Variants in ADGRB3 observed in about 807,000 individuals in gnomAD.
ADGRB3 encodes the protein adhesion G protein-coupled receptor B3, also known as brain-specific angiogenesis inhibitor 3.
In ADGRB3, 37 loss-of-function variants were observed where a neutral mutation model predicts 193.4. The observed-to-expected ratio is 0.19, with a 90% CI of 0.15 to 0.25. The LOEUF (loss-of-function observed/expected upper bound fraction) is 0.25. Among genes scored for constraint, ADGRB3 ranks in the 10% least tolerant of loss-of-function variants. The pLI, the probability that ADGRB3 is intolerant of heterozygous loss-of-function variation, is 1.00. For missense variants in ADGRB3, 1,637 were observed against 1,852.9 expected (o/e 0.88, Z 2.14); for synonymous variants, 690 against 644.2 (o/e 1.07, Z -1.08).
intron 15 of ADGRB3, among the ~76,000 whole-genome samples, chr6:69,054,153 G>A (rs1771479201): frequency 6.6e-6 from 1 of 152,076 alleles, no homozygotes; most frequent in South Asian, 2.1e-4. Flanking sequence ...ACAGATGAAT[G>A]AAAACTAAAG....
chr6:69,178,701 CT>C (rs1244568469), intron 17 of ADGRB3, among the ~76,000 whole-genome samples: 1 of 152,154 alleles, frequency 6.6e-6, no homozygotes, highest in Non-Finnish European at 1.5e-5. Context: ...TTCTCCCTTA[CT>C]TATGAAGCTT....
At chr6:68,740,487 C>A (rs1297303264) in intron 3 of ADGRB3, among the ~76,000 whole-genome samples, 1 of 152,038 alleles carries the variant, frequency 6.6e-6, no homozygotes, top group East Asian at 1.9e-4. Flanking sequence ...AAGAAAAAAA[C>A]ATCAATTTGT....
chr6:69,303,050 C>T (rs898352542), intron 20 of ADGRB3, among the ~76,000 whole-genome samples: 8 of 151,828 alleles, frequency 5.3e-5, no homozygotes, highest in East Asian at 1.9e-4. Flanking sequence ...AGGAAGAGGA[C>T]GTAGAAGCAG....
At chr6:69,280,069 G>T (rs12110416) in intron 20 of ADGRB3, among the ~76,000 whole-genome samples, 1 of 152,166 alleles carries the variant, frequency 6.6e-6, no homozygotes, top group Non-Finnish European at 1.5e-5. Context: ...TCAAAAGAGA[G>T]CTGACAGCCA....
chr6:69,042,611 A>G (rs747047809), intron 13 of ADGRB3, among the ~76,000 whole-genome samples: 1 of 152,210 alleles, frequency 6.6e-6, no homozygotes, highest in Non-Finnish European at 1.5e-5. Flanking sequence ...AACAAAACAA[A>G]TAGATGCTTT....
chr6:69,219,475 A>G (rs1561956732), intron 17 of ADGRB3, among the ~76,000 whole-genome samples: 1 of 78,086 alleles, frequency 1.3e-5, no homozygotes, highest in Non-Finnish European at 2.4e-5. Context: ...ATATATATAT[A>G]TATATATATA....
At chr6:68,811,211 T>C (rs1017244112) in intron 3 of ADGRB3, among the ~76,000 whole-genome samples, 1 of 152,156 alleles carries the variant, frequency 6.6e-6, no homozygotes, top group South Asian at 2.1e-4. Flanking sequence ...TTTCTACTTC[T>C]ATTTTTTAAG....
At chr6:69,383,399 C>T (rs1022974946) in intron 31 of ADGRB3, among the ~76,000 whole-genome samples, 7 of 151,948 alleles carry the variant, frequency 4.6e-5, no homozygotes, top group African/African-American at 1.7e-4. Context: ...TTCGTACACA[C>T]ATCAACACTG....
intron 17 of ADGRB3, among the ~76,000 whole-genome samples, chr6:69,168,621 T>C (rs1007808505): frequency 2.0e-5 from 3 of 152,132 alleles, no homozygotes; most frequent in African/African-American, 7.2e-5. Context: ...TTATGGCTTA[T>C]AGTGGGTATG....
At chr6:69,351,936 AAT>A (rs1390017903) in intron 26 of ADGRB3, among the ~76,000 whole-genome samples, 3 of 152,196 alleles carry the variant, frequency 2.0e-5, no homozygotes, top group African/African-American at 7.2e-5. Flanking sequence ...CTGACCTAGA[AAT>A]ATGTCTGATA....
intron 3 of ADGRB3, among the ~76,000 whole-genome samples, chr6:68,810,471 G>A (rs73745880): frequency 0.026 from 4,006 of 152,258 alleles, 80 homozygotes; most frequent in African/African-American, 0.051. Context: ...GCGAACAGAT[G>A]AAATAGTAGA....
chr6:69,306,835 G>A (rs1438041770), intron 20 of ADGRB3, among the ~76,000 whole-genome samples: 2 of 151,434 alleles, frequency 1.3e-5, no homozygotes, highest in Non-Finnish European at 2.9e-5. Context: ...GGAGAGGACA[G>A]GGCCCATTGG....
rs557924141 is a variant in ADGRB3, at chr6:68,699,669, T to C, written c.757+60237T>C. On this transcript the variant is annotated intron_variant, in intron 3 of 31. Transcript: ENST00000370598. ...GCAAAAATCACAAACAGAATACAAA[T>C]ACCCAGAGCTCTTAGAGTGACATAA... 2.2e-4 allele frequency among the ~76,000 whole-genome samples: 33 copies of C among 151,418 alleles called. 1 individual carries two copies. The East Asian group carries it at 6.5e-3, about 30-fold the overall frequency.
chr6:69,110,176 G>T lies in ADGRB3; in HGVS notation c.2480+34138G>T, dbSNP rs537534163. Among the ~76,000 whole-genome samples the T allele has an allele frequency of 3.3e-5, 5 of 152,110 alleles. No homozygotes were observed. The South Asian group carries it at 6.2e-4, about 19-fold the overall frequency. On this transcript the variant is annotated intron_variant, in intron 17 of 31. Transcript: ENST00000370598. Reference sequence around the variant, plus strand: ...TTGGCCAGGCTGGTCTTGAACTCCTGACCTTGTAATCCACCCACCTCAGTG... The same window carrying T: ...TTGGCCAGGCTGGTCTTGAACTCCTTACCTTGTAATCCACCCACCTCAGTG...
intron 3 of ADGRB3, among the ~76,000 whole-genome samples, chr6:68,651,381 T>A (rs1436019778): frequency 2.0e-5 from 3 of 152,190 alleles, no homozygotes; most frequent in Non-Finnish European, 4.4e-5. Flanking sequence ...ATATTAAAAA[T>A]CTACTCTTTT....
chr6:68,891,260 C>T (rs545892361), intron 3 of ADGRB3, among the ~76,000 whole-genome samples: 7 of 152,146 alleles, frequency 4.6e-5, no homozygotes, highest in South Asian at 2.1e-4. Flanking sequence ...TCCCGCAACA[C>T]GTGGGAATTA....
chr6:69,366,274 A>G (rs1171104434), intron 29 of ADGRB3, among the ~76,000 whole-genome samples: 1 of 152,100 alleles, frequency 6.6e-6, no homozygotes, highest in African/African-American at 2.4e-5. Flanking sequence ...ATTTTTAAAA[A>G]TTAATTATTC....
intron 26 of ADGRB3, 56 bp from the exon 27 acceptor site, chr6:69,354,177 C>A: frequency 8.0e-7 from 1 of 1,245,872 alleles, no homozygotes; most frequent in Non-Finnish European, 1.2e-6. Context: ...CCAAGATAGA[C>A]AGTATCTTGT....
chr6:69,198,554 G>A (rs1018836083), intron 17 of ADGRB3, among the ~76,000 whole-genome samples: 2 of 152,024 alleles, frequency 1.3e-5, no homozygotes, highest in African/African-American at 4.8e-5. Flanking sequence ...TCTGAGAATT[G>A]GAGAGGTCAA....
Sources: allele counts gnomAD v4.1 joint callset (sites outside exome capture counted in the v4.1 genomes callset), GRCh38; gene constraint gnomAD v4.1.1; transcripts MANE v1.5; gene names NCBI Gene and HGNC (gene_info 2026-07-23, HGNC 2026-07-21).